Variants in FAM13B observed in about 807,000 individuals in gnomAD.
FAM13B encodes protein FAM13B.
Under a neutral mutation model 117.3 loss-of-function variants are expected in FAM13B, and 60 were observed. The observed-to-expected ratio is 0.51, with a 90% CI of 0.42 to 0.63. The LOEUF is 0.63. Ranked by LOEUF, FAM13B falls within the 30% of genes least tolerant of loss-of-function variation. The probability of loss-of-function intolerance (pLI) is 0.00; values close to 1 mark genes in which losing one functional copy is unlikely to be tolerated. For missense variants in FAM13B, 972 were observed against 1,091.9 expected, an observed-to-expected ratio of 0.89 and a Z score of 1.55; for synonymous variants, 332 against 356.1, an observed-to-expected ratio of 0.93 and a Z score of 0.76.
At chr5:138,032,719 G>A (rs1790482360) in intron 1 of FAM13B, 63 bp downstream of exon 1, 3 of 985,770 alleles carry the variant, frequency 3.0e-6, no homozygotes, top group Non-Finnish European at 3.6e-6. Flanking sequence ...AACAGGAGGG[G>A]AAGGGCCGCG....
chr5:138,004,557 T>C (rs1436334725), intron 7 of FAM13B, among the ~76,000 whole-genome samples: 1 of 152,216 alleles, frequency 6.6e-6, no homozygotes, highest in Non-Finnish European at 1.5e-5. Context: ...ACTTGAAATG[T>C]AGGTGGCACA....
chr5:138,029,085 C>G (rs1207688901), intron 1 of FAM13B, among the ~76,000 whole-genome samples: 2 of 152,150 alleles, frequency 1.3e-5, no homozygotes, highest in Non-Finnish European at 2.9e-5. Flanking sequence ...TAGCAGAACC[C>G]CAATACTGAA....
At chr5:138,038,882 G>A (rs1791381283) in intron 1 of FAM13B, among the ~76,000 whole-genome samples, 2 of 152,178 alleles carry the variant, frequency 1.3e-5, no homozygotes, top group Non-Finnish European at 2.9e-5. Flanking sequence ...CTCTGCCCTG[G>A]AAAAGCTTCA....
At chr5:138,033,086 C>T (rs532716733), upstream of FAM13B, 9 of 952,972 alleles carry the variant, frequency 9.4e-6, no homozygotes, top group South Asian at 4.1e-4. Context: ...GGCTGGCGGG[C>T]GGAGGCCGGG....
chr5:137,947,874 C>G (rs1241428127), intron 18 of FAM13B, among the ~76,000 whole-genome samples: 2 of 151,964 alleles, frequency 1.3e-5, no homozygotes, highest in South Asian at 4.2e-4. Flanking sequence ...CGTGAGGCAC[C>G]GCGCCTGGCC....
At chr5:138,037,381 A>C (rs1475902721), upstream of FAM13B, 1 of 151,308 alleles carries the variant, frequency 6.6e-6, no homozygotes, top group African/African-American at 2.4e-5. Flanking sequence ...GAGTCACATC[A>C]CTGTGGAAGG....
At chr5:138,050,438 AAAACAAACAAAC>A (rs33916276) in intron 1 of FAM13B, among the ~76,000 whole-genome samples, 2 of 150,634 alleles carry the variant, frequency 1.3e-5, no homozygotes, top group South Asian at 2.1e-4. Context: ...ACTCCGTCTC[AAAACAAACAAAC>A]AAACAAACAA....
chr5:137,968,757 G>C (rs1007890893), intron 10 of FAM13B, among the ~76,000 whole-genome samples: 1 of 152,142 alleles, frequency 6.6e-6, no homozygotes, highest in Non-Finnish European at 1.5e-5. Context: ...TGCGTGCATC[G>C]TGCGCGAGCC....
chr5:138,013,911 T>C (rs1301888869), intron 4 of FAM13B, among the ~76,000 whole-genome samples: 1 of 152,198 alleles, frequency 6.6e-6, no homozygotes, highest in African/African-American at 2.4e-5. Context: ...TCTTCCCTTA[T>C]CCCCTATAGC....
chr5:137,956,434 C>T, intron 14 of FAM13B, 43 bp downstream of exon 14: 1 of 1,295,862 alleles, frequency 7.7e-7, no homozygotes, highest in South Asian at 1.5e-5. Context: ...ACAAAGTGAA[C>T]CATAAAAGGC....
chr5:138,030,722 C>CAAA (rs1202168169), intron 1 of FAM13B, among the ~76,000 whole-genome samples: 1 of 131,882 alleles, frequency 7.6e-6, no homozygotes, highest in Non-Finnish European at 1.6e-5. Context: ...CCCCCCCCCC[C>CAAA]AAAAAAAAAA....
intron 1 of FAM13B, among the ~76,000 whole-genome samples, chr5:138,043,717 C>T (rs1243603050): frequency 6.6e-6 from 1 of 151,976 alleles, no homozygotes; most frequent in Non-Finnish European, 1.5e-5. Context: ...AAATTATAGG[C>T]GTCAGCCACC....
intron 1 of FAM13B, among the ~76,000 whole-genome samples, chr5:138,045,972 A>G (rs1791630036): frequency 6.6e-6 from 1 of 151,906 alleles, no homozygotes; most frequent in Non-Finnish European, 1.5e-5. Flanking sequence ...TATAAAGAGT[A>G]TGATGTGGTT....
intron 1 of FAM13B, among the ~76,000 whole-genome samples, chr5:138,021,525 TTCC>T: frequency 6.6e-6 from 1 of 152,326 alleles, no homozygotes; most frequent in East Asian, 1.9e-4. Flanking sequence ...ATCCCATTCC[TTCC>T]TCATTTCCTC....
chr5:137,956,521 G>A lies in FAM13B; in HGVS notation c.1463C>T (p.Pro488Leu). ...ATGCATTGTTTTGAAATCAATGAGG[G>A]GAAAAGTGATAGGGCATGACGCTAA... Reference protein sequence around the residue: ...KWEASCPITFPLIDFKTMHLQ... With the variant: ...KWEASCPITFLLIDFKTMHLQ... The change falls in exon 14 of 24, where the codon CCC (proline) becomes CTC (leucine). Residue 488 changes from proline to leucine, a missense_variant. By Grantham distance (98) the Pro-to-Leu change is moderately conservative (BLOSUM62 -3). Transcript: ENST00000689681. The A allele has an allele frequency of 6.3e-7, 1 of 1,598,862 alleles. No homozygotes were observed. The highest frequency in any genetic ancestry group is 8.5e-7 in the Non-Finnish European group (1 of 1,172,010).
intron 13 of FAM13B, among the ~76,000 whole-genome samples, chr5:137,957,415 C>G (rs1200048986): frequency 6.6e-6 from 1 of 151,892 alleles, no homozygotes; most frequent in African/African-American, 2.4e-5. Context: ...TGGCACATGT[C>G]TGTAATCCCA....
intron 6 of FAM13B, among the ~76,000 whole-genome samples, chr5:138,007,511 T>C (rs534205902): frequency 8.4e-4 from 128 of 152,346 alleles, no homozygotes; most frequent in South Asian, 1.2e-3. Flanking sequence ...GACTTTTAAT[T>C]GATCTGATTT....
chr5:138,035,223 C>T (rs757162535), upstream of FAM13B, among the ~76,000 whole-genome samples: 1 of 151,508 alleles, frequency 6.6e-6, no homozygotes, highest in Non-Finnish European at 1.5e-5. Flanking sequence ...GTTGCCCAGG[C>T]CTCTCTTGAA....
intron 10 of FAM13B, among the ~76,000 whole-genome samples, chr5:137,980,458 T>C (rs1252061387): frequency 9.3e-5 from 14 of 150,300 alleles, no homozygotes; most frequent in Admixed American, 9.3e-4. Context: ...TTTTTTTTTT[T>C]TTGAGACAGG....
Sources: allele counts gnomAD v4.1 joint callset (sites outside exome capture counted in the v4.1 genomes callset), GRCh38; gene constraint gnomAD v4.1.1; transcripts MANE v1.5; gene names NCBI Gene and HGNC (gene_info 2026-07-23, HGNC 2026-07-21).